SOX5: variants seen among roughly 807,000 people sequenced by gnomAD.
SOX5 encodes SRY-box transcription factor 5.
A neutral mutation model predicts 92.0 loss-of-function variants in SOX5; 9 were observed. The observed-to-expected ratio is 0.10, with a 90% CI of 0.06 to 0.17. The LOEUF is 0.17. Among genes scored for constraint, SOX5 ranks in the 10% least tolerant of loss-of-function variants. The pLI, the probability that SOX5 is intolerant of heterozygous loss-of-function variation, is 1.00. For missense variants in SOX5, 642 were observed against 944.5 expected, an observed-to-expected ratio of 0.68 and a Z score of 4.20; for synonymous variants, 344 against 336.3, an observed-to-expected ratio of 1.02 and a Z score of -0.25.
At chr12:23,608,188 A>C (rs2075511922) in intron 8 of SOX5, among the ~76,000 whole-genome samples, 2 of 151,110 alleles carry the variant, frequency 1.3e-5, no homozygotes, top group Non-Finnish European at 1.5e-5. Context: ...AACCAGACTC[A>C]CAGTATCTTA....
chr12:24,008,937 T>C (rs1004907787), intron 4 of SOX5, among the ~76,000 whole-genome samples: 2 of 152,158 alleles, frequency 1.3e-5, no homozygotes, highest in Non-Finnish European at 2.9e-5. Flanking sequence ...TCATAATACA[T>C]CTTGCAGCTT....
At chr12:24,474,692 C>A (rs994433396) in intron 1 of SOX5, among the ~76,000 whole-genome samples, 3 of 150,794 alleles carry the variant, frequency 2.0e-5, no homozygotes, top group Non-Finnish European at 4.4e-5. Flanking sequence ...TGCACCACCA[C>A]GCCCAGCTAA....
chr12:24,061,002 G>A (rs1390867951), intron 4 of SOX5, among the ~76,000 whole-genome samples: 3 of 152,086 alleles, frequency 2.0e-5, no homozygotes, highest in East Asian at 3.9e-4. Context: ...TTGTGTTTCT[G>A]TCACTTATAA....
intron 2 of SOX5, among the ~76,000 whole-genome samples, chr12:24,328,527 A>G (rs10842327): frequency 0.26 from 40,052 of 152,118 alleles, 6,290 homozygotes; most frequent in East Asian, 0.58. Flanking sequence ...GGTAATTTTT[A>G]TTATCCACAG....
intron 8 of SOX5, 149 bp downstream of exon 8, chr12:23,640,663 A>C: frequency 1.5e-6 from 1 of 652,884 alleles, no homozygotes; most frequent in South Asian, 1.8e-5. Context: ...CAACATTTCA[A>C]CTTGTGGTTG....
chr12:24,068,361 GT>G (rs1941135841), intron 4 of SOX5, among the ~76,000 whole-genome samples: 1 of 151,934 alleles, frequency 6.6e-6, no homozygotes. Context: ...GAAACCTTTG[GT>G]TTTAATATGG....
chr12:23,619,166 C>A (rs2076901457), intron 8 of SOX5, among the ~76,000 whole-genome samples: 1 of 152,106 alleles, frequency 6.6e-6, no homozygotes, highest in Non-Finnish European at 1.5e-5. Flanking sequence ...CCTCATAAAC[C>A]TTTAAGATTA....
intron 4 of SOX5, among the ~76,000 whole-genome samples, chr12:24,004,308 C>A (rs1312427258): frequency 1.4e-5 from 2 of 147,066 alleles, no homozygotes; most frequent in African/African-American, 2.5e-5. Flanking sequence ...TTTTGTTTCT[C>A]AAAAAAAAAA....
At chr12:24,559,054 G>C (rs945176008) in intron 1 of SOX5, among the ~76,000 whole-genome samples, 4 of 152,030 alleles carry the variant, frequency 2.6e-5, no homozygotes, top group African/African-American at 9.7e-5. Context: ...TTTACAAATG[G>C]GTGTTTTAAA....
At chr12:24,359,417 A>G (rs1236402654) in intron 2 of SOX5, among the ~76,000 whole-genome samples, 1 of 152,196 alleles carries the variant, frequency 6.6e-6, no homozygotes, top group Non-Finnish European at 1.5e-5. Context: ...ATTTATCTAC[A>G]GGCATCTTGC....
intron 4 of SOX5, among the ~76,000 whole-genome samples, chr12:24,128,722 T>C (rs1021111528): frequency 6.6e-5 from 10 of 152,174 alleles, no homozygotes; most frequent in African/African-American, 1.9e-4. Flanking sequence ...GCAAAGACTT[T>C]AGGTTTAATT....
chr12:23,699,049 C>T (rs2090270174), intron 6 of SOX5, among the ~76,000 whole-genome samples: 1 of 152,158 alleles, frequency 6.6e-6, no homozygotes, highest in South Asian at 2.1e-4. Context: ...TACATATGCA[C>T]TGATTAGTAT....
chr12:24,276,763 T>C (rs1437636455), intron 3 of SOX5, among the ~76,000 whole-genome samples: 1 of 152,166 alleles, frequency 6.6e-6, no homozygotes, highest in South Asian at 2.1e-4. Flanking sequence ...TATTACATTT[T>C]CGTATGTATT....
chr12:23,948,274 G>A (rs1595852120), intron 1 of SOX5, among the ~76,000 whole-genome samples: 1 of 151,284 alleles, frequency 6.6e-6, no homozygotes, highest in Admixed American at 6.6e-5. Flanking sequence ...CGAAGTATAT[G>A]TGTTGGCTAT....
chr12:23,953,098 C>T (rs1178149430), upstream of SOX5, among the ~76,000 whole-genome samples: 1 of 151,972 alleles, frequency 6.6e-6, no homozygotes, highest in African/African-American at 2.4e-5. Flanking sequence ...TTAAAATGTA[C>T]CTCTCTAAGC....
At chr12:24,252,884 C>T (rs1331704358) in intron 3 of SOX5, among the ~76,000 whole-genome samples, 1 of 152,134 alleles carries the variant, frequency 6.6e-6, no homozygotes, top group African/African-American at 2.4e-5. Context: ...AAATAAATGT[C>T]ATTCTGACTG....
intron 4 of SOX5, among the ~76,000 whole-genome samples, chr12:23,980,596 A>T (rs1407073501): frequency 6.6e-6 from 1 of 152,162 alleles, no homozygotes; most frequent in East Asian, 1.9e-4. Context: ...AACATGTCTA[A>T]AACATCTGCC....
intron 1 of SOX5, among the ~76,000 whole-genome samples, chr12:24,473,336 C>T (rs1945005078): frequency 6.6e-6 from 1 of 152,172 alleles, no homozygotes; most frequent in Admixed American, 6.5e-5. Context: ...AGCTACCCTG[C>T]CCCCATGAAG....
At chr12:24,246,405 A>C (rs561021030) in intron 3 of SOX5, among the ~76,000 whole-genome samples, 45 of 152,302 alleles carry the variant, frequency 3.0e-4, no homozygotes, top group African/African-American at 1.1e-3. Context: ...TTACAATAAT[A>C]ATTCAACACC....
Sources: allele counts gnomAD v4.1 joint callset (sites outside exome capture counted in the v4.1 genomes callset), GRCh38; gene constraint gnomAD v4.1.1; transcripts MANE v1.5; gene names NCBI Gene and HGNC (gene_info 2026-07-23, HGNC 2026-07-21).